DYNLT5: variants seen among roughly 807,000 people sequenced by gnomAD.
The protein encoded by DYNLT5 is dynein light chain Tctex-type 5.
In DYNLT5, 25 loss-of-function variants were observed where a neutral mutation model predicts 19.3. The observed-to-expected ratio is 1.30, with a 90% CI of 0.95 to 1.81. DYNLT5 has a LOEUF of 1.81. Among genes scored for constraint, DYNLT5 ranks in the 40% most tolerant of loss-of-function variants. DYNLT5 has a pLI of 0.00. For missense variants in DYNLT5, 232 were observed against 217.9 expected, an observed-to-expected ratio of 1.06 and a Z score of -0.41; for synonymous variants, 82 against 68.9, an observed-to-expected ratio of 1.19 and a Z score of -0.94.
chr1:66,763,910 G>T (rs996857729), intron 2 of DYNLT5, among the ~76,000 whole-genome samples: 3 of 152,180 alleles, frequency 2.0e-5, no homozygotes, highest in Non-Finnish European at 4.4e-5. Context: ...TTTCAGGCAG[G>T]TGCAGTGGCT....
At chr1:66,770,512 C>T (rs758905369) in intron 3 of DYNLT5, 34 bp downstream of exon 3, 3 of 1,468,442 alleles carry the variant, frequency 2.0e-6, no homozygotes, top group Non-Finnish European at 2.9e-6. Flanking sequence ...CTATTTTAAA[C>T]TTCTAAATTG....
At chr1:66,766,629 C>T (rs2094655783) in intron 2 of DYNLT5, among the ~76,000 whole-genome samples, 1 of 152,148 alleles carries the variant, frequency 6.6e-6, no homozygotes, top group Non-Finnish European at 1.5e-5. Context: ...AATATTTTCT[C>T]TTTTCCTTTT....
rs1043980479 is a variant in DYNLT5, at chr1:66,770,399, T to C, written c.132T>C (p.Thr44=). The C allele has an allele frequency of 1.9e-6, 3 of 1,612,294 alleles. No homozygotes were observed. Among genetic ancestry groups the C allele is most frequent in the Admixed American group, 1.7e-5 (1 of 59,946 alleles). Residue 44 remains threonine, a synonymous_variant, in exon 3 of 5, where the codon ACT becomes ACC. Coordinates refer to ENST00000282670, the MANE Select transcript of DYNLT5 (RefSeq NM_152665.3). ...CCCTTGTTTTTAGTTCTATGAGTAC[T>C]GTGTCTTATATGGAAGAACCCAGTC... ...IHGRIKDSMS[T]VSYMEEPSQR... is the part of the protein sequence containing the mutation.
At chr1:66,773,304 C>T (rs1287454264) in intron 3 of DYNLT5, among the ~76,000 whole-genome samples, 1 of 151,938 alleles carries the variant, frequency 6.6e-6, no homozygotes, top group Non-Finnish European at 1.5e-5. Context: ...GAAAGTAGAT[C>T]CAAAATATTG....
chr1:66,768,620 A>G (rs1171068197), intron 2 of DYNLT5: 1 of 152,314 alleles, frequency 6.6e-6, no homozygotes, highest in African/African-American at 2.4e-5. Flanking sequence ...GTTTATAAAA[A>G]TCCTTATTTG....
In DYNLT5 at chr1:66,777,295, A is replaced by G. The variant is rs748459460; in HGVS notation, c.381A>G (p.Lys127=). Residue 127 remains lysine, a synonymous_variant, in exon 5 of 5, where the codon AAA becomes AAG. Transcript: ENST00000282670. ...AGGACTTGATGATTCCACGGTATAA[A>G]CTAATTGTGATTGTTCACATTGGAC... ...QVKDLMIPRY[K]LIVIVHIGQL... The G allele has an allele frequency of 6.2e-7, 1 of 1,613,844 alleles. No homozygotes were observed. The highest frequency in any genetic ancestry group is 1.7e-5 in the Admixed American group (1 of 59,994).
chr1:66,769,373 G>A (rs1645188153), intron 2 of DYNLT5, among the ~76,000 whole-genome samples: 1 of 152,078 alleles, frequency 6.6e-6, no homozygotes, highest in African/African-American at 2.4e-5. Flanking sequence ...ATATCGATTT[G>A]CAAGAAGTTC....
At position 66,772,019 on chromosome 1, in the gene DYNLT5, T is replaced by A. The variant is rs148360349; in HGVS notation, c.211+1541T>A. Among the ~76,000 whole-genome samples, 399 of 152,298 alleles carry A rather than the reference T, an allele frequency of 2.6e-3. 3 individuals are homozygous for A. The highest frequency in any genetic ancestry group is 8.6e-3 in the African/African-American group (359 of 41,564). On this transcript the variant is annotated intron_variant, in intron 3 of 4. Coordinates refer to ENST00000282670, the MANE Select transcript of DYNLT5 (RefSeq NM_152665.3). The stretch of plus-strand genomic sequence containing the variant: ...ATTAAAATATTTTATGCTTGACAAT[T>A]CCCTTTTTATAGCATTCAACCAGCC...
Position 66,754,733 on chromosome 1 carries a change from T to C in DYNLT5, c.75T>C (p.Ser25=), listed in dbSNP as rs1271602470. ...WKKRGSISSL[S]NHEFWRKEIH... is the part of the protein sequence containing the mutation. The stretch of plus-strand genomic sequence containing the variant: ...AAAGAGGGAGTATTTCTTCTCTAAG[T>C]AATCATGAATTTTGGCGAAAGGAAA... The change falls in exon 2 of 5, where the codon AGT becomes AGC. Residue 25 remains serine (S), a synonymous_variant. Coordinates refer to ENST00000282670, the MANE Select transcript of DYNLT5 (RefSeq NM_152665.3). 2 of 1,613,048 alleles carry C rather than the reference T, an allele frequency of 1.2e-6. No homozygotes were observed. The highest frequency in any genetic ancestry group is 1.1e-5 in the South Asian group (1 of 90,952).
intron 2 of DYNLT5, among the ~76,000 whole-genome samples, chr1:66,755,447 C>T (rs539004003): frequency 5.3e-5 from 8 of 152,184 alleles, no homozygotes; most frequent in Non-Finnish European, 1.0e-4. Context: ...CTTTTGACTG[C>T]TGTTGGGAAG....
chr1:66,774,078 G>T (rs768085966), intron 3 of DYNLT5, among the ~76,000 whole-genome samples: 10 of 151,962 alleles, frequency 6.6e-5, no homozygotes, highest in African/African-American at 9.7e-5. Context: ...AAGGACATTG[G>T]TAGCACTGTA....
intron 2 of DYNLT5, among the ~76,000 whole-genome samples, chr1:66,769,926 G>A (rs1645193877): frequency 3.3e-5 from 5 of 152,078 alleles, no homozygotes; most frequent in Admixed American, 2.6e-4. Context: ...ACATATAATA[G>A]TGAACTCTTT....
rs1288845318 is a variant in DYNLT5, at chr1:66,776,408, G to A, written c.336+5G>A. The A allele has an allele frequency of 1.1e-5, 18 of 1,594,736 alleles. No homozygotes were observed. The highest frequency in any genetic ancestry group is 1.7e-4 in the Middle Eastern group (1 of 5,986). ...ATGACTAAAACCATTTCTGAGGTAC[G>A]TGTGTGATTTGCCCAAAGTGTTAAC... On this transcript the variant is annotated splice_donor_5th_base_variant and intron_variant, in intron 4 of 4. Coordinates refer to ENST00000282670, the MANE Select transcript of DYNLT5 (RefSeq NM_152665.3).
chr1:66,761,323 A>G (rs907634973), intron 2 of DYNLT5, among the ~76,000 whole-genome samples: 1 of 152,248 alleles, frequency 6.6e-6, no homozygotes, highest in Non-Finnish European at 1.5e-5. Flanking sequence ...AAAAATGTAC[A>G]TACCTTAGTA....
intron 2 of DYNLT5, among the ~76,000 whole-genome samples, chr1:66,757,916 A>T: frequency 6.6e-6 from 1 of 152,212 alleles, no homozygotes; most frequent in African/African-American, 2.4e-5. Flanking sequence ...CCACTTTCGC[A>T]CTGTAACAGC....
At chr1:66,758,669 A>C (rs1336337774) in intron 2 of DYNLT5, among the ~76,000 whole-genome samples, 3 of 152,224 alleles carry the variant, frequency 2.0e-5, no homozygotes, top group African/African-American at 7.2e-5. Context: ...AAAGGTGAAT[A>C]ACTACAGGTT....
chr1:66,774,282 T>C (rs1287693339), intron 3 of DYNLT5, among the ~76,000 whole-genome samples: 1 of 152,068 alleles, frequency 6.6e-6, no homozygotes, highest in African/African-American at 2.4e-5. Context: ...CTACTTGCAG[T>C]TTAAAATAAA....
rs1455943158 is a variant in DYNLT5, at chr1:66,777,319, A to G, written c.405A>G (p.Gly135=). 6.2e-7 allele frequency: 1 copy of G among 1,613,976 alleles called. No individual in the cohort carries two copies. Among genetic ancestry groups the G allele is most frequent in the Non-Finnish European group, 8.5e-7 (1 of 1,179,910 alleles). The part of the protein sequence containing the change: ...RYKLIVIVHI[G]QLNRQSILIG... Reference sequence around the variant, plus strand: ...AACTAATTGTGATTGTTCACATTGGACAACTGAACAGGCAGAGCATACTTA... The same window carrying G: ...AACTAATTGTGATTGTTCACATTGGGCAACTGAACAGGCAGAGCATACTTA... Residue 135 remains glycine (G), a synonymous_variant, in exon 5 of 5, where the codon GGA becomes GGG. Coordinates refer to ENST00000282670, the MANE Select transcript of DYNLT5 (RefSeq NM_152665.3).
chr1:66,756,180 G>C (rs768134045), intron 2 of DYNLT5, among the ~76,000 whole-genome samples: 1 of 152,118 alleles, frequency 6.6e-6, no homozygotes, highest in African/African-American at 2.4e-5. Flanking sequence ...ATTTTTCACT[G>C]ACAACTACAT....
Sources: gnomAD v4.1 joint callset for allele counts (sites outside exome capture counted in the v4.1 genomes callset) on GRCh38, gnomAD v4.1.1 for gene constraint, MANE v1.5 for transcripts, NCBI Gene and HGNC (gene_info 2026-07-23, HGNC 2026-07-21) for gene names.